The following APC variants were observed in gnomAD, a reference collection of about 807,000 sequenced individuals.
APC encodes the protein APC regulator of Wnt signaling pathway.
Under a neutral mutation model 247.0 loss-of-function variants are expected in APC, and 72 were observed. The observed-to-expected ratio is 0.29, with a 90% CI of 0.24 to 0.35. APC has a LOEUF of 0.35. APC is among the 10% of genes least tolerant of loss of function. The probability of loss-of-function intolerance (pLI) is 1.00; values close to 1 mark genes in which losing one functional copy is unlikely to be tolerated. For missense variants in APC, 3,400 were observed against 3,360.7 expected (o/e 1.01, Z -0.29); for synonymous variants, 1,254 against 1,162.5 (o/e 1.08, Z -1.60).
At chr5:112,780,518 T>C (rs1210221585) in intron 5 of APC, among the ~76,000 whole-genome samples, 1 of 152,184 alleles carries the variant, frequency 6.6e-6, no homozygotes, top group East Asian at 1.9e-4. Flanking sequence ...GGACCAATTA[T>C]ATATTTTAAG....
chr5:112,790,803 TTTTATTA>T (rs1422571973), intron 6 of APC, among the ~76,000 whole-genome samples: 1 of 152,238 alleles, frequency 6.6e-6, no homozygotes, highest in Admixed American at 6.5e-5. Flanking sequence ...GCCATAGTAC[TTTTATTA>T]TTTATCTGTT....
intron 1 of APC, among the ~76,000 whole-genome samples, chr5:112,725,631 C>G (rs1172994308): frequency 6.6e-6 from 1 of 151,748 alleles, no homozygotes; most frequent in African/African-American, 2.4e-5. Context: ...CTCAGTAGTG[C>G]AGGCCTGTAG....
intron 1 of APC, among the ~76,000 whole-genome samples, chr5:112,749,361 A>G (rs768763796): frequency 6.6e-6 from 1 of 152,114 alleles, no homozygotes; most frequent in African/African-American, 2.4e-5. Flanking sequence ...GCATTTGTAT[A>G]AGATTGGAAT....
At chr5:112,805,890 A>C (rs1200452637) in intron 8 of APC, among the ~76,000 whole-genome samples, 1 of 152,178 alleles carries the variant, frequency 6.6e-6, no homozygotes, top group Non-Finnish European at 1.5e-5. Flanking sequence ...TTCTCTTTGA[A>C]AAATCCTTCA....
chr5:112,760,886 T>C (rs1266609397), intron 2 of APC, among the ~76,000 whole-genome samples: 1 of 151,940 alleles, frequency 6.6e-6, no homozygotes, highest in Non-Finnish European at 1.5e-5. Flanking sequence ...CTTGGCTCAC[T>C]ACAAGCTCCA....
At chr5:112,814,384 A>T (rs1762274297) in intron 8 of APC, among the ~76,000 whole-genome samples, 1 of 152,100 alleles carries the variant, frequency 6.6e-6, no homozygotes, top group African/African-American at 2.4e-5. Flanking sequence ...GAAAGCCATC[A>T]TTTATTTCTG....
Position 112,841,840 on chromosome 5 carries a change from TATACAG to T in APC, c.6248_6253del (p.Ile2083_Gln2084del), listed in dbSNP as rs1561606060. The stretch of plus-strand genomic sequence containing the variant: ...AAGATCTGACACTTGATTTGAAAGA[TATACAG>T]AGACCAGATTCAGAACATGGTCTAT... On this transcript the variant is annotated inframe_deletion, in exon 16 of 16. Transcript: ENST00000257430. This position sits in a 1 kb window ranked among gnomAD's most constrained non-coding sequence, Gnocchi z 4.6. 6.2e-7 allele frequency: 1 copy of T among 1,613,898 alleles called. No homozygotes were observed. The highest frequency in any genetic ancestry group is 1.3e-5 in the African/African-American group (1 of 75,052).
chr5:112,830,147 A>G (rs936353205), intron 14 of APC, among the ~76,000 whole-genome samples: 1 of 152,110 alleles, frequency 6.6e-6, no homozygotes, highest in Admixed American at 6.6e-5. Flanking sequence ...TTGTTCTTGG[A>G]AAACCCTTGA....
exon 1 of APC, chr5:112,707,845 G>T: frequency 1.5e-6 from 2 of 1,370,390 alleles, no homozygotes; most frequent in Non-Finnish European, 1.9e-6. Flanking sequence ...AGCCCGGGCG[G>T]CGCTCGTACT....
chr5:112,721,013 A>G (rs1751454355), intron 1 of APC, among the ~76,000 whole-genome samples: 1 of 152,304 alleles, frequency 6.6e-6, no homozygotes, highest in South Asian at 2.1e-4. Context: ...GTGAAAAATG[A>G]TGAGAGCATT....
chr5:112,752,620 G>A (rs141263813), intron 1 of APC, among the ~76,000 whole-genome samples: 20 of 152,224 alleles, frequency 1.3e-4, no homozygotes, highest in Non-Finnish European at 2.9e-4. Flanking sequence ...TTTCAAATTT[G>A]AAAAATGTTT....
At chr5:112,836,282 C>T (rs867873908) in intron 15 of APC, among the ~76,000 whole-genome samples, 4 of 151,582 alleles carry the variant, frequency 2.6e-5, no homozygotes, top group Non-Finnish European at 4.4e-5. Flanking sequence ...CCGCCCACCT[C>T]GGCCTCCCAA....
Position 112,843,392 on chromosome 5 carries a change from CAA to C in APC, c.7800_7801del (p.Ser2601Ter). On this transcript the variant is annotated frameshift_variant, in exon 16 of 16. Transcript: ENST00000257430. LOFTEE classifies it high-confidence loss of function. This position sits in a 1 kb window ranked among gnomAD's most constrained non-coding sequence, Gnocchi z 4.8. The stretch of plus-strand genomic sequence containing the variant: ...TGTGAACTCTATTTCAGGAACCAAA[CAA>C]AGTAAAGAAAACCAAGTATCCGCAA... ...KHVNSISGTK[Q>X]SKENQVSAKG... The C allele has an allele frequency of 6.2e-7, 1 of 1,613,292 alleles. No individual in the cohort carries two copies.
rs1554085958 is a variant in APC, at chr5:112,840,146, A to T, written c.4552A>T (p.Lys1518Ter). 6.2e-7 allele frequency: 1 copy of T among 1,614,158 alleles called. No individual in the cohort carries two copies. Among genetic ancestry groups the T allele is most frequent in the Non-Finnish European group, 8.5e-7 (1 of 1,180,024 alleles). The change falls in exon 16 of 16, where the codon AAA becomes TAA. Residue 1518 changes from lysine to a stop codon, truncating the protein, a stop_gained. Transcript: ENST00000257430. LOFTEE classifies it high-confidence loss of function. The surrounding 1 kb of genome is among the most constrained non-coding windows in gnomAD (Gnocchi z 4.1). ...ALSLDEPFIQ[K>*]DVELRIMPPV... ...GAGCCTCGATGAGCCATTTATACAG[A>T]AAGATGTGGAATTAAGAATAATGCC...
Position 112,766,248 on chromosome 5 carries a change from T to C in APC, c.136-78T>C. 3 of 1,080,898 alleles carry C rather than the reference T, an allele frequency of 2.8e-6. No homozygotes were observed. In the South Asian group the frequency reaches 3.8e-5, roughly 14 times the overall value. The allele number at this position is 1,080,898 out of a possible 1,614,324, so 67.0% of individuals were successfully genotyped here. A position where few individuals can be genotyped will look rare whatever the true frequency, so the allele number is the denominator to read the frequency against. ...GATCTGAATTTTTTTCTCAGCATACTTAAATGTCAAGAAATACAGAATCAT... is the reference window on the plus strand; with the variant it reads ...GATCTGAATTTTTTTCTCAGCATACCTAAATGTCAAGAAATACAGAATCAT... On this transcript the variant is annotated intron_variant, in intron 2 of 15. Transcript: ENST00000257430.
At chr5:112,771,419 T>C (rs2149802596) in intron 4 of APC, among the ~76,000 whole-genome samples, 1 of 152,296 alleles carries the variant, frequency 6.6e-6, no homozygotes, top group Admixed American at 6.5e-5. Context: ...TCATTATGCT[T>C]CCCATTTAGG....
chr5:112,801,411 T>A (rs775295903), intron 8 of APC, 28 bp downstream of exon 8: 46 of 1,433,820 alleles, frequency 3.2e-5, no homozygotes, highest in East Asian at 1.3e-4. Context: ...TCATATTTTT[T>A]AAAATTATTT....
chr5:112,790,839 G>A (rs529073713), intron 6 of APC, among the ~76,000 whole-genome samples: 11 of 152,180 alleles, frequency 7.2e-5, no homozygotes, highest in South Asian at 6.2e-4. Flanking sequence ...TATTTGTTCC[G>A]AAATATTTTA....
At chr5:112,793,373 A>G (rs56044723) in intron 7 of APC, among the ~76,000 whole-genome samples, 3,761 of 152,244 alleles carry the variant, frequency 0.025, 165 homozygotes, top group African/African-American at 0.087. Context: ...TCTCCAGGCA[A>G]GTTTCTGGAA....
Sources: allele counts gnomAD v4.1 joint callset (sites outside exome capture counted in the v4.1 genomes callset), GRCh38; gene constraint gnomAD v4.1.1; non-coding constraint Gnocchi (gnomAD v3.1); transcripts MANE v1.5; gene names NCBI Gene and HGNC (gene_info 2026-07-23, HGNC 2026-07-21).